NT5DC4: variants seen among roughly 807,000 people sequenced by gnomAD.
NT5DC4 encodes 5'-nucleotidase domain containing 4.
Under a neutral mutation model 26.6 loss-of-function variants are expected in NT5DC4, and 44 were observed. The observed-to-expected ratio is 1.65, with a 90% CI of 1.30 to 2.13. The LOEUF (loss-of-function observed/expected upper bound fraction) is 2.13, where lower values mean the gene tolerates loss of function less well. Among genes scored for constraint, NT5DC4 ranks in the 30% most tolerant of loss-of-function variants. The pLI, the probability that NT5DC4 is intolerant of heterozygous loss-of-function variation, is 0.00. For synonymous variants in NT5DC4, 157 were observed against 86.7 expected (o/e 1.81, Z -4.51); for missense variants, 399 against 228.1 (o/e 1.75, Z -4.83).
Position 112,721,836 on chromosome 2 carries a change from C to G in NT5DC4, c.93C>G (p.Ser31Arg). Reference protein sequence around the residue: ...DWHQRIFVNRSLALGKIRCFG... With the variant: ...DWHQRIFVNRRLALGKIRCFG... The stretch of plus-strand genomic sequence containing the variant: ...TCCCCAGGATTTTTGTCAACCGCAG[C>G]CTGGCGCTGGGGAAGATTCGTTGCT... Residue 31 changes from serine to arginine, a missense_variant, in exon 2 of 17, where the codon AGC becomes AGG. Physicochemically the swap from Ser to Arg is moderately radical, Grantham distance 110. Coordinates refer to ENST00000688554, the MANE Select transcript of NT5DC4 (RefSeq NM_001393655.1). The G allele has an allele frequency of 1.4e-6, 1 of 717,350 alleles. No homozygotes were observed. The allele number at this position is 717,350 out of a possible 1,614,324, so 44.4% of individuals were successfully genotyped here.
At chr2:112,730,210 G>A (rs891676118) in intron 16 of NT5DC4, among the ~76,000 whole-genome samples, 24 of 151,440 alleles carry the variant, frequency 1.6e-4, no homozygotes, top group African/African-American at 5.8e-4. Context: ...CTACCCGGGA[G>A]GCTGAGGCAG....
chr2:112,722,859 C>T, intron 6 of NT5DC4, 88 bp downstream of exon 6: 4 of 313,276 alleles, frequency 1.3e-5, no homozygotes, highest in Non-Finnish European at 2.6e-5. Flanking sequence ...CCAAGGGCTC[C>T]CCAAGAGGCT....
At chr2:112,726,653 G>C in intron 14 of NT5DC4, 25 bp from the exon 15 acceptor site, 1 of 717,448 alleles carries the variant, frequency 1.4e-6, no homozygotes. Context: ...GCCTCCCCTG[G>C]GTCACCTAGC....
chr2:112,723,286 C>T lies in NT5DC4; in HGVS notation c.621+112C>T, dbSNP rs1038893847. The T allele has an allele frequency of 4.7e-5, 33 of 707,684 alleles. No homozygotes were observed. In the African/African-American group the frequency reaches 5.3e-4, roughly 11 times the overall value. 43.8% of individuals were successfully genotyped at this position (707,684 alleles called of 1,614,324 possible). ...GTTTCCATCCTCTTCCTACTGAGGACTGAGGTCTGGTCTGGGCTTCCCAGA... is the reference window on the plus strand; with the variant it reads ...GTTTCCATCCTCTTCCTACTGAGGATTGAGGTCTGGTCTGGGCTTCCCAGA... On this transcript the variant is annotated intron_variant, in intron 7 of 16. Coordinates refer to ENST00000688554, the MANE Select transcript of NT5DC4 (RefSeq NM_001393655.1).
In NT5DC4 at chr2:112,724,899, G is replaced by A. The variant is rs1198387150; in HGVS notation, c.908G>A (p.Gly303Asp). 1.4e-6 allele frequency: 1 copy of A among 716,860 alleles called. No individual in the cohort carries two copies. Among genetic ancestry groups the A allele is most frequent in the Non-Finnish European group, 2.6e-6 (1 of 385,018 alleles). The allele number at this position is 716,860 out of a possible 1,614,324, so 44.4% of individuals were successfully genotyped here. Residue 303 changes from glycine (G) to aspartate (D), a missense_variant, in exon 11 of 17, where the codon GGT (glycine) becomes GAT (aspartate). Gly to Asp is a moderately conservative substitution (Grantham distance 94). Transcript: ENST00000688554. The stretch of plus-strand genomic sequence containing the variant: ...AGGCAGGTCAACACGGTAATGGCAG[G>A]TGCAGAGGTCAGTCCACCTGCACCC... ...VLRQVNTVMA[G>D]AEDSGKLHVG...
intron 1 of NT5DC4, 62 bp from the exon 2 acceptor site, chr2:112,721,756 C>T: frequency 2.8e-6 from 2 of 716,972 alleles, no homozygotes; most frequent in Non-Finnish European, 5.2e-6. Flanking sequence ...CCCCTCTGTC[C>T]TTGGGCCTTG....
Position 112,739,030 on chromosome 2 carries a change from T to C in NT5DC4, c.*94T>C, listed in dbSNP as rs1441819500. The C allele has an allele frequency of 1.2e-6, 2 of 1,614,014 alleles. No individual in the cohort carries two copies. Among genetic ancestry groups the C allele is most frequent in the Non-Finnish European group, 1.7e-6 (2 of 1,179,878 alleles). On this transcript the variant is annotated 3_prime_UTR_variant, in exon 17 of 17. Coordinates refer to ENST00000688554, the MANE Select transcript of NT5DC4 (RefSeq NM_001393655.1). Reference sequence around the variant, plus strand: ...GAGTGATAAATTTCATGTCTTGCACTTCCGGCATCCCATTTATTCTGAGAG... The same window carrying C: ...GAGTGATAAATTTCATGTCTTGCACCTCCGGCATCCCATTTATTCTGAGAG...
rs763144813 is a variant in NT5DC4 at position 112,723,174 on chromosome 2, G to A, written c.621G>A (p.Ser207=). 2.1e-5 allele frequency: 15 copies of A among 717,230 alleles called. No individual in the cohort carries two copies. Among genetic ancestry groups the A allele is most frequent in the South Asian group, 7.4e-5 (5 of 67,570 alleles). 44.4% of individuals were successfully genotyped at this position (717,230 alleles called of 1,614,324 possible). A position where few individuals can be genotyped will look rare whatever the true frequency, so the allele number is the denominator to read the frequency against. ...VTDAMNNIHQ[S]GCLKKTLEDL... is the part of the protein sequence containing the mutation. The stretch of plus-strand genomic sequence containing the variant: ...ATGCCATGAATAACATCCACCAGTC[G>A]GTGAGTGAGTGGTCCAGAACCCCCG... Residue 207 remains serine, a splice_region_variant and synonymous_variant, in exon 7 of 17, where the codon TCG becomes TCA. Coordinates refer to ENST00000688554, the MANE Select transcript of NT5DC4 (RefSeq NM_001393655.1).
At chr2:112,721,516 A>G in intron 1 of NT5DC4, 1 of 717,926 alleles carries the variant, frequency 1.4e-6, no homozygotes, top group Non-Finnish European at 2.6e-6. Flanking sequence ...CTACTTTCTT[A>G]CAGGGTTGGA....
At chr2:112,738,845 C>G in intron 16 of NT5DC4, 68 bp from the exon 17 acceptor site, 1 of 1,611,424 alleles carries the variant, frequency 6.2e-7, no homozygotes, top group South Asian at 1.1e-5. Context: ...GGTTTGAAAC[C>G]CCAATGTTAC....
Position 112,723,699 on chromosome 2 carries a change from T to A in NT5DC4, c.673-20T>A. The A allele has an allele frequency of 1.4e-6, 1 of 716,076 alleles. No individual in the cohort carries two copies. Among genetic ancestry groups the A allele is most frequent in the Non-Finnish European group, 2.6e-6 (1 of 384,472 alleles). The allele number at this position is 716,076 out of a possible 1,614,324, so 44.4% of individuals were successfully genotyped here. ...GCTCTGGGAGTCCCACCCCTGCAAG[T>A]CCCTCTATCTCTGCCCCAGCCACGC... On this transcript the variant is annotated intron_variant, in intron 8 of 16. Transcript: ENST00000688554.
At position 112,738,913 on chromosome 2, in the gene NT5DC4, T is replaced by C. The variant is rs754041623; in HGVS notation, c.1345T>C (p.Phe449Leu). 6.2e-6 allele frequency: 10 copies of C among 1,614,114 alleles called. No homozygotes were observed. In the South Asian group the frequency reaches 1.1e-4, roughly 18 times the overall value. ...ATTTTGTTTCTTCCACTTCTAACAG[T>C]TCATCAAGAGAAGCCACTACTAAAT... ...ASCLLSCNQR[F>L]IKRSHY The change falls in exon 17 of 17, where the codon TTC becomes CTC. Residue 449 changes from phenylalanine (F) to leucine (L), a missense_variant and splice_region_variant. By Grantham distance (22) the Phe-to-Leu change is conservative. Transcript: ENST00000688554.
chr2:112,739,747 T>G (rs1286529355), downstream of NT5DC4, among the ~76,000 whole-genome samples: 1 of 152,044 alleles, frequency 6.6e-6, no homozygotes, highest in Non-Finnish European at 1.5e-5. Context: ...CTCAACCTCC[T>G]AGGATCAAGG....
chr2:112,726,129 A>G, intron 13 of NT5DC4, 109 bp from the exon 14 acceptor site: 1 of 692,838 alleles, frequency 1.4e-6, no homozygotes, highest in Non-Finnish European at 2.7e-6. Flanking sequence ...TTATGCACAC[A>G]GCTCAGGGTG....
chr2:112,735,488 C>A (rs537721292), intron 16 of NT5DC4, among the ~76,000 whole-genome samples: 14 of 121,700 alleles, frequency 1.2e-4, no homozygotes, highest in East Asian at 3.8e-4. Context: ...ATCCTCCCCC[C>A]CCTTTTTTTC....
At chr2:112,741,904 G>A (rs1679993132), downstream of NT5DC4, among the ~76,000 whole-genome samples, 2 of 147,970 alleles carry the variant, frequency 1.4e-5, no homozygotes, top group Non-Finnish European at 1.5e-5. Context: ...GGGATTACAA[G>A]CACGCACCAC....
In NT5DC4 at chr2:112,723,780, A is replaced by G. The variant is rs764796776; in HGVS notation, c.734A>G (p.Asn245Ser). Residue 245 changes from asparagine to serine, a missense_variant, in exon 9 of 17, where the codon AAC becomes AGC. By Grantham distance (46) the Asn-to-Ser change is conservative (BLOSUM62 1). Transcript: ENST00000688554. ...KEVGKVFLAT[N>S]SSYNYTNAIM... ...GTTGGGAAAGTGTTTCTGGCCACCA[A>G]CAGCAGCTACAACTACACCAATGTG... The G allele has an allele frequency of 5.6e-6, 4 of 716,798 alleles. No homozygotes were observed. Among genetic ancestry groups the G allele is most frequent in the South Asian group, 4.4e-5 (3 of 67,586 alleles). The allele number at this position is 716,798 out of a possible 1,614,324, so 44.4% of individuals were successfully genotyped here. A position where few individuals can be genotyped will look rare whatever the true frequency, so the allele number is the denominator to read the frequency against.
At chr2:112,730,813 G>A (rs1438871549) in intron 16 of NT5DC4, among the ~76,000 whole-genome samples, 1 of 152,174 alleles carries the variant, frequency 6.6e-6, no homozygotes. Context: ...CTTCATTCCT[G>A]CCTAGGAGAA....
intron 16 of NT5DC4, among the ~76,000 whole-genome samples, chr2:112,730,310 C>CAA (rs11375761): frequency 0.33 from 25,298 of 75,986 alleles, 5,293 homozygotes; most frequent in East Asian, 0.66. Flanking sequence ...AAGACTGTCT[C>CAA]AAAAAAAAAA....
Sources: gnomAD v4.1 joint callset for allele counts (sites outside exome capture counted in the v4.1 genomes callset) on GRCh38, gnomAD v4.1.1 for gene constraint, MANE v1.5 for transcripts, NCBI Gene and HGNC (gene_info 2026-07-23, HGNC 2026-07-21) for gene names.